FBXL7: variants seen among roughly 807,000 people sequenced by gnomAD.
The protein encoded by FBXL7 is F-box/LRR-repeat protein 7.
Under a neutral mutation model 38.3 loss-of-function variants are expected in FBXL7, and 12 were observed. That is an observed-to-expected ratio of 0.31 (90% CI 0.20 to 0.51). The LOEUF is 0.51. Ranked by LOEUF, FBXL7 falls within the 20% of genes least tolerant of loss-of-function variation. The pLI, the probability that FBXL7 is intolerant of heterozygous loss-of-function variation, is 0.98. For synonymous variants in FBXL7, 297 were observed against 300.9 expected (o/e 0.99, Z 0.13); for missense variants, 567 against 676.4 (o/e 0.84, Z 1.79).
rs144879628 is a variant in FBXL7 at position 15,721,472 on chromosome 5, G to A, written c.127+105400G>A. Among the ~76,000 whole-genome samples, 350 of 152,054 alleles carry A rather than the reference G, an allele frequency of 2.3e-3. 3 individuals are homozygous for A. Among genetic ancestry groups the A allele is most frequent in the African/African-American group, 8.1e-3 (334 of 41,468 alleles). ...ACTAAGGAAAAGTTTAGTCTTTGTGGGGCCTATCTTCTCATTTGTATTTCA... is the reference window on the plus strand; with the variant it reads ...ACTAAGGAAAAGTTTAGTCTTTGTGAGGCCTATCTTCTCATTTGTATTTCA... On this transcript the variant is annotated intron_variant, in intron 2 of 3. Coordinates refer to ENST00000504595, the MANE Select transcript of FBXL7 (RefSeq NM_012304.5).
At chr5:15,846,787 A>G (rs775246295) in intron 2 of FBXL7, among the ~76,000 whole-genome samples, 3 of 152,236 alleles carry the variant, frequency 2.0e-5, no homozygotes, top group Non-Finnish European at 4.4e-5. Flanking sequence ...GTCATCTGTT[A>G]TATACAGACA....
chr5:15,824,391 A>T (rs1738253407), intron 2 of FBXL7, among the ~76,000 whole-genome samples: 3 of 151,034 alleles, frequency 2.0e-5, no homozygotes, highest in African/African-American at 7.3e-5. Context: ...ACTGTGGCTT[A>T]TTTTCTCAGG....
intron 2 of FBXL7, among the ~76,000 whole-genome samples, chr5:15,738,813 G>A (rs1430846206): frequency 6.6e-6 from 1 of 152,212 alleles, no homozygotes; most frequent in Non-Finnish European, 1.5e-5. Context: ...CAAACATTCT[G>A]TAGGGAAAGA....
intron 2 of FBXL7, among the ~76,000 whole-genome samples, chr5:15,671,823 T>A (rs561521164): frequency 6.6e-6 from 1 of 152,354 alleles, no homozygotes; most frequent in Non-Finnish European, 1.5e-5. Context: ...AACTTTGATT[T>A]TCTTTGTCAT....
chr5:15,696,008 A>G (rs947446799), intron 2 of FBXL7, among the ~76,000 whole-genome samples: 1 of 152,202 alleles, frequency 6.6e-6, no homozygotes, highest in African/African-American at 2.4e-5. Flanking sequence ...TTCGCAAAAG[A>G]GGCATGTCCA....
chr5:15,750,831 G>T (rs1736135162), intron 2 of FBXL7, among the ~76,000 whole-genome samples: 1 of 152,154 alleles, frequency 6.6e-6, no homozygotes, highest in Non-Finnish European at 1.5e-5. Flanking sequence ...CAAAAATAAA[G>T]TTTCTAAAAC....
At chr5:15,539,361 T>A (rs187307425) in intron 1 of FBXL7, among the ~76,000 whole-genome samples, 1 of 152,316 alleles carries the variant, frequency 6.6e-6, no homozygotes, top group East Asian at 1.9e-4. Context: ...AAAGCCCAGG[T>A]TGAGGATGCT....
intron 1 of FBXL7, among the ~76,000 whole-genome samples, chr5:15,583,591 ATTAAATC>A (rs1325411019): frequency 1.3e-5 from 2 of 152,248 alleles, no homozygotes; most frequent in African/African-American, 4.8e-5. Context: ...CAGGGGAGTC[ATTAAATC>A]TTAAAGCTCC....
At chr5:15,715,267 C>T (rs987909986) in intron 2 of FBXL7, among the ~76,000 whole-genome samples, 17 of 151,896 alleles carry the variant, frequency 1.1e-4, no homozygotes, top group African/African-American at 2.2e-4. Flanking sequence ...CCGAGGCAGG[C>T]GGATCACAAG....
At chr5:15,702,120 C>A (rs1743542381) in intron 2 of FBXL7, among the ~76,000 whole-genome samples, 1 of 151,966 alleles carries the variant, frequency 6.6e-6, no homozygotes, top group African/African-American at 2.4e-5. Flanking sequence ...TTCCTGTAAT[C>A]CCAGCTACTT....
At chr5:15,510,229 T>C (rs1442664280) in intron 1 of FBXL7, among the ~76,000 whole-genome samples, 1 of 152,232 alleles carries the variant, frequency 6.6e-6, no homozygotes, top group South Asian at 2.1e-4. Flanking sequence ...TGCTACCCTT[T>C]CTGTGGTAAA....
chr5:15,671,257 C>A (rs190651059), intron 2 of FBXL7, among the ~76,000 whole-genome samples: 312 of 152,250 alleles, frequency 2.0e-3, no homozygotes, highest in African/African-American at 7.3e-3. Flanking sequence ...GGTTCCTAAG[C>A]TCTTTCACTG....
At chr5:15,753,581 A>C (rs1264284804) in intron 2 of FBXL7, among the ~76,000 whole-genome samples, 1 of 152,146 alleles carries the variant, frequency 6.6e-6, no homozygotes, top group Non-Finnish European at 1.5e-5. Context: ...CTACAGATCA[A>C]ATCCATAGAT....
rs1024037751 is a variant in FBXL7, at chr5:15,913,290, TAA to T, written c.128-14599_128-14598del. The stretch of plus-strand genomic sequence containing the variant: ...ATTAATTTTTTTTTTTATTATACTC[TAA>T]GTTTTAGGGTACATGTGCACATTGT... On this transcript the variant is annotated intron_variant, in intron 2 of 3. Coordinates refer to ENST00000504595, the MANE Select transcript of FBXL7 (RefSeq NM_012304.5). Among the ~76,000 whole-genome samples the T allele has an allele frequency of 4.0e-4, 61 of 150,838 alleles. 1 individual carries two copies. Among genetic ancestry groups the T allele is most frequent in the African/African-American group, 1.5e-3 (60 of 41,230 alleles).
rs770888052 is a variant in FBXL7 at position 15,535,883 on chromosome 5, T to C, written c.37+35170T>C. The stretch of plus-strand genomic sequence containing the variant: ...TTAATTGCCAAGATGATGGGGAAAA[T>C]GTCTCCAGGGCATTTCAGATATCTT... On this transcript the variant is annotated intron_variant, in intron 1 of 3. Coordinates refer to ENST00000504595, the MANE Select transcript of FBXL7 (RefSeq NM_012304.5). Among the ~76,000 whole-genome samples the C allele has an allele frequency of 3.3e-5, 5 of 152,364 alleles. No individual in the cohort carries two copies. In the South Asian group the frequency reaches 8.3e-4, roughly 25 times the overall value.
chr5:15,526,288 C>A (rs1307882375), intron 1 of FBXL7, among the ~76,000 whole-genome samples: 4 of 152,042 alleles, frequency 2.6e-5, no homozygotes, highest in Admixed American at 2.0e-4. Context: ...GCACAGTGAT[C>A]TTGGGCATGG....
chr5:15,806,981 G>A (rs746506250), intron 2 of FBXL7, among the ~76,000 whole-genome samples: 7 of 151,596 alleles, frequency 4.6e-5, no homozygotes, highest in African/African-American at 9.7e-5. Context: ...ACGGAGTTTC[G>A]CTCTTGTTGC....
intron 2 of FBXL7, among the ~76,000 whole-genome samples, chr5:15,641,652 G>A (rs901674199): frequency 7.2e-5 from 11 of 152,132 alleles, no homozygotes; most frequent in African/African-American, 2.7e-4. Context: ...GACTAAGTAA[G>A]GCAGATTGTC....
chr5:15,704,085 T>C (rs191243400), intron 2 of FBXL7, among the ~76,000 whole-genome samples: 1 of 152,246 alleles, frequency 6.6e-6, no homozygotes, highest in Admixed American at 6.5e-5. Flanking sequence ...CTTCCAGTGG[T>C]TCAGGGTGAG....
Sources: allele counts gnomAD v4.1 joint callset (sites outside exome capture counted in the v4.1 genomes callset), GRCh38; gene constraint gnomAD v4.1.1; transcripts MANE v1.5; gene names NCBI Gene and HGNC (gene_info 2026-07-23, HGNC 2026-07-21).